The following HAL variants were observed in gnomAD, a reference collection of about 807,000 sequenced individuals.
HAL encodes the protein histidase.
In HAL, 85 loss-of-function variants were observed where a neutral mutation model predicts 81.1. The observed-to-expected ratio is 1.05, with a 90% CI of 0.88 to 1.25. The LOEUF is 1.25. Ranked by LOEUF, HAL falls within the 50% of genes most tolerant of loss-of-function variation. The pLI is 0.00. For synonymous variants in HAL, 301 were observed against 309.2 expected (o/e 0.97, Z 0.28); for missense variants, 798 against 836.6 (o/e 0.95, Z 0.57).
At position 95,985,946 on chromosome 12, in the gene HAL, G is replaced by A. The variant is rs367677601; in HGVS notation, c.1168C>T (p.Arg390Cys). 5.5e-5 allele frequency: 89 copies of A among 1,611,066 alleles called. No individual in the cohort carries two copies. The highest frequency in any genetic ancestry group is 6.9e-5 in the Non-Finnish European group (81 of 1,178,056). Residue 390 changes from arginine to cysteine, a missense_variant, in exon 14 of 21, where the codon CGC becomes TGC. By Grantham distance (180) the Arg-to-Cys change is radical. Coordinates refer to ENST00000261208, the MANE Select transcript of HAL (RefSeq NM_002108.4). ...EIAESHRFCD[R>C]VQDAYTLRCC... ...CGCAAGGTGTATGCATCCTGGACGC[G>A]ATCACAGAACCTGTGACTCTCTGTG...
chr12:95,974,604 A>G (rs1018084396), intron 20 of HAL, among the ~76,000 whole-genome samples: 1 of 152,224 alleles, frequency 6.6e-6, no homozygotes, highest in Non-Finnish European at 1.5e-5. Context: ...CATCATAAAG[A>G]TTTTAAGCTG....
At chr12:95,991,178 T>G (rs1285017276) in intron 9 of HAL, among the ~76,000 whole-genome samples, 1 of 152,168 alleles carries the variant, frequency 6.6e-6, no homozygotes, top group Non-Finnish European at 1.5e-5. Flanking sequence ...TGTGCTCTAA[T>G]TCAACCTAGT....
rs1166555509 is a variant in HAL at position 95,976,627 on chromosome 12, C to G, written c.1734G>C (p.Lys578Asn). The change falls in exon 19 of 21, where the codon AAG becomes AAC. Residue 578 changes from lysine to asparagine, a missense_variant. Transcript: ENST00000261208. Reference sequence around the variant, plus strand: ...CAACAGAGCGCACCAGGTCATAGACCTTCTCCAGCGGAGTGGTTGTTTTCA... The same window carrying G: ...CAACAGAGCGCACCAGGTCATAGACGTTCTCCAGCGGAGTGGTTGTTTTCA... Reference protein sequence around the residue: ...RPLKTTTPLEKVYDLVRSVVR... With the variant: ...RPLKTTTPLENVYDLVRSVVR... 1 of 1,612,272 alleles carries G rather than the reference C, an allele frequency of 6.2e-7. No individual in the cohort carries two copies. Among genetic ancestry groups the G allele is most frequent in the Admixed American group, 1.7e-5 (1 of 60,022 alleles).
chr12:95,978,666 A>T (rs781720633), intron 17 of HAL, among the ~76,000 whole-genome samples: 15 of 152,144 alleles, frequency 9.9e-5, no homozygotes, highest in Non-Finnish European at 1.3e-4. Flanking sequence ...TATAACAAAT[A>T]TACTGAGCTT....
In HAL at chr12:95,995,710, C is replaced by T. The variant is rs1441630413; in HGVS notation, c.201G>A (p.Glu67=). The part of the protein sequence containing the change: ...RCKGLGLLDN[E]DRLEVALENN... The stretch of plus-strand genomic sequence containing the variant: ...TCTCTAGGGCCACCTCGAGCCGGTC[C>T]TCGTTGTCCAGCAGGCCCAGGCCCT... The change falls in exon 2 of 21, where the codon GAG becomes GAA. Residue 67 remains glutamate, a synonymous_variant. Transcript: ENST00000261208. 6.2e-7 allele frequency: 1 copy of T among 1,613,796 alleles called. No homozygotes were observed. Among genetic ancestry groups the T allele is most frequent in the Admixed American group, 1.7e-5 (1 of 60,038 alleles).
chr12:95,976,355 A>C, intron 20 of HAL, 74 bp downstream of exon 20: 1 of 1,145,554 alleles, frequency 8.7e-7, no homozygotes, highest in Non-Finnish European at 1.3e-6. Flanking sequence ...AGAATAAGGC[A>C]ATGTTTCTCC....
At chr12:95,992,261 G>T (rs1024353375) in intron 9 of HAL, among the ~76,000 whole-genome samples, 1 of 152,192 alleles carries the variant, frequency 6.6e-6, no homozygotes, top group Non-Finnish European at 1.5e-5. Flanking sequence ...GCCATCACCT[G>T]GGGGACATTA....
At position 95,986,123 on chromosome 12, in the gene HAL, T is replaced by C. The variant is rs1386992378; in HGVS notation, c.1089A>G (p.Glu363=). ...HALRPHRGQI[E]VAFRFRSLLD... Reference sequence around the variant, plus strand: ...AGAGTGACCGAAACCGAAAAGCAACTTCAATTTGCCCACGGTGAGGTCGAA... The same window carrying C: ...AGAGTGACCGAAACCGAAAAGCAACCTCAATTTGCCCACGGTGAGGTCGAA... Residue 363 remains glutamate, a synonymous_variant, in exon 13 of 21, where the codon GAA becomes GAG. Transcript: ENST00000261208. 11 of 1,612,180 alleles carry C rather than the reference T, an allele frequency of 6.8e-6. No homozygotes were observed. The highest frequency in any genetic ancestry group is 9.3e-6 in the Non-Finnish European group (11 of 1,178,162).
intron 17 of HAL, among the ~76,000 whole-genome samples, chr12:95,980,071 A>G (rs1398922911): frequency 6.6e-6 from 1 of 152,208 alleles, no homozygotes; most frequent in African/African-American, 2.4e-5. Context: ...TGATTCTTAT[A>G]AGCATTTTTT....
chr12:95,985,917 G>A lies in HAL; in HGVS notation c.1197C>T (p.Cys399=), dbSNP rs1429195139. ...TTTTTCTTTATTTTACCTGTGGACA[G>A]CAGCGCAAGGTGTATGCATCCTGGA... ...DRVQDAYTLR[C]CPQVHGVVND... is the part of the protein sequence containing the mutation. Residue 399 remains cysteine, a synonymous_variant, in exon 14 of 21, where the codon TGC becomes TGT. Coordinates refer to ENST00000261208, the MANE Select transcript of HAL (RefSeq NM_002108.4). 3.1e-6 allele frequency: 5 copies of A among 1,604,642 alleles called. No individual in the cohort carries two copies. The highest frequency in any genetic ancestry group is 4.3e-6 in the Non-Finnish European group (5 of 1,172,260).
chr12:95,985,885 C>CTTTTTTTTTT, intron 14 of HAL, 23 bp downstream of exon 14: 2 of 1,224,586 alleles, frequency 1.6e-6, no homozygotes, highest in Non-Finnish European at 1.1e-6. Context: ...TTTTATTGAC[C>CTTTTTTTTTT]TTTTTTTTTT....
chr12:95,991,755 G>A (rs182441208), intron 9 of HAL, among the ~76,000 whole-genome samples: 1 of 152,172 alleles, frequency 6.6e-6, no homozygotes, highest in African/African-American at 2.4e-5. Flanking sequence ...TGGGTTTAAG[G>A]TTGGAGTGCT....
chr12:95,986,129 T>C lies in HAL; in HGVS notation c.1083A>G (p.Gln361=). The stretch of plus-strand genomic sequence containing the variant: ...ACCGAAACCGAAAAGCAACTTCAAT[T>C]TGCCCACGGTGAGGTCGAAGAGCAT... ...DIHALRPHRG[Q]IEVAFRFRSL... is the part of the protein sequence containing the mutation. The change falls in exon 13 of 21, where the codon CAA becomes CAG. Residue 361 remains glutamine, a synonymous_variant. Coordinates refer to ENST00000261208, the MANE Select transcript of HAL (RefSeq NM_002108.4). The C allele has an allele frequency of 6.2e-7, 1 of 1,610,412 alleles. No homozygotes were observed. Among genetic ancestry groups the C allele is most frequent in the South Asian group, 1.1e-5 (1 of 91,022 alleles).
chr12:95,974,808 C>T (rs1191737641), intron 20 of HAL, among the ~76,000 whole-genome samples: 3 of 152,046 alleles, frequency 2.0e-5, no homozygotes, highest in African/African-American at 7.2e-5. Flanking sequence ...AGCATGATCT[C>T]AGCTCACTGC....
At chr12:95,981,626 A>G (rs2080796220) in intron 15 of HAL, among the ~76,000 whole-genome samples, 1 of 152,054 alleles carries the variant, frequency 6.6e-6, no homozygotes. Context: ...CACCCAGTTA[A>G]ATTTTGTATT....
rs1230658396 is a variant in HAL at position 95,985,960 on chromosome 12, T to C, written c.1154A>G (p.His385Arg). 35 of 1,611,622 alleles carry C rather than the reference T, an allele frequency of 2.2e-5. No individual in the cohort carries two copies. Among genetic ancestry groups the C allele is most frequent in the Non-Finnish European group, 3.0e-5 (35 of 1,177,916 alleles). The change falls in exon 14 of 21, where the codon CAC becomes CGC. Residue 385 changes from histidine (H) to arginine (R), a missense_variant. Transcript: ENST00000261208. Reference sequence around the variant, plus strand: ...ATCCTGGACGCGATCACAGAACCTGTGACTCTCTGTGGAAGAGGTGGAGGG... The same window carrying C: ...ATCCTGGACGCGATCACAGAACCTGCGACTCTCTGTGGAAGAGGTGGAGGG... ...DHHPSEIAES[H>R]RFCDRVQDAY...
At chr12:95,978,827 C>T (rs1198943506) in intron 17 of HAL, among the ~76,000 whole-genome samples, 1 of 152,198 alleles carries the variant, frequency 6.6e-6, no homozygotes, top group Non-Finnish European at 1.5e-5. Flanking sequence ...CTCAAAGTCT[C>T]TTCTCCTCTT....
chr12:95,982,902 C>T (rs777617351), intron 15 of HAL, among the ~76,000 whole-genome samples: 18 of 152,168 alleles, frequency 1.2e-4, no homozygotes, highest in African/African-American at 1.7e-4. Flanking sequence ...GCCAGTGTGA[C>T]TCCTGACTGA....
At chr12:95,993,525 G>T in intron 7 of HAL, 37 bp from the exon 8 acceptor site, 1 of 1,384,906 alleles carries the variant, frequency 7.2e-7, no homozygotes, top group Non-Finnish European at 1.0e-6. Flanking sequence ...TAGATACATT[G>T]CAGTGAGAAA....
Sources: gnomAD v4.1 joint callset for allele counts (sites outside exome capture counted in the v4.1 genomes callset) on GRCh38, gnomAD v4.1.1 for gene constraint, MANE v1.5 for transcripts, NCBI Gene and HGNC (gene_info 2026-07-23, HGNC 2026-07-21) for gene names.